Variants in SMAD5 observed in about 807,000 individuals in gnomAD.
SMAD5 encodes the protein SMAD family member 5.
Under a neutral mutation model 43.1 loss-of-function variants are expected in SMAD5, and 9 were observed. That is an observed-to-expected ratio of 0.21 (90% CI 0.13 to 0.36). SMAD5 has a LOEUF of 0.36. Among genes scored for constraint, SMAD5 ranks in the 10% least tolerant of loss-of-function variants. The probability of loss-of-function intolerance (pLI) is 1.00; values close to 1 mark genes in which losing one functional copy is unlikely to be tolerated. For missense variants in SMAD5, 348 were observed against 574.0 expected, an observed-to-expected ratio of 0.61 and a Z score of 4.02; for synonymous variants, 190 against 192.4, an observed-to-expected ratio of 0.99 and a Z score of 0.10.
chr5:136,137,403 T>C (rs1752926120), intron 1 of SMAD5, among the ~76,000 whole-genome samples: 2 of 152,184 alleles, frequency 1.3e-5, no homozygotes, highest in Admixed American at 1.3e-4. Flanking sequence ...GTTGTTTTGT[T>C]ATACCGAAAA....
At chr5:136,176,476 A>G (rs1235791082) in intron 7 of SMAD5, among the ~76,000 whole-genome samples, 2 of 149,984 alleles carry the variant, frequency 1.3e-5, no homozygotes, top group Non-Finnish European at 3.0e-5. Context: ...AAAAAAAAAA[A>G]AAAAAAAGAA....
At chr5:136,135,978 G>GT (rs1437588995) in intron 1 of SMAD5, among the ~76,000 whole-genome samples, 2 of 152,214 alleles carry the variant, frequency 1.3e-5, no homozygotes, top group Non-Finnish European at 2.9e-5. Flanking sequence ...AAGACATTGA[G>GT]TAAGATTCCC....
chr5:136,165,968 ATTATAT>A (rs1160284657), intron 5 of SMAD5, among the ~76,000 whole-genome samples: 1 of 151,806 alleles, frequency 6.6e-6, no homozygotes, highest in East Asian at 1.9e-4. Context: ...TTACATGGTA[ATTATAT>A]TTATACTTTT....
chr5:136,158,584 C>T (rs1753718351), intron 3 of SMAD5, among the ~76,000 whole-genome samples: 1 of 152,026 alleles, frequency 6.6e-6, no homozygotes, highest in Admixed American at 6.6e-5. Flanking sequence ...GAGCAGTAAC[C>T]AATATAGGTT....
chr5:136,175,940 C>T, intron 7 of SMAD5, among the ~76,000 whole-genome samples: 1 of 152,114 alleles, frequency 6.6e-6, no homozygotes, highest in Non-Finnish European at 1.5e-5. Context: ...ACCAGAGAAC[C>T]TGATAAATCC....
chr5:136,142,308 T>G (rs1291859076), intron 1 of SMAD5, among the ~76,000 whole-genome samples: 1 of 152,190 alleles, frequency 6.6e-6, no homozygotes, highest in African/African-American at 2.4e-5. Flanking sequence ...GAAGGGATGC[T>G]TGAGCTGAAA....
intron 4 of SMAD5, among the ~76,000 whole-genome samples, chr5:136,162,976 A>G (rs940417185): frequency 6.6e-6 from 1 of 152,238 alleles, no homozygotes; most frequent in Non-Finnish European, 1.5e-5. Flanking sequence ...ACACATAAAA[A>G]TAAAGGCAAA....
rs757421108 is a variant in SMAD5 at position 136,154,059 on chromosome 5, G to A, written c.299G>A (p.Ser100Asn). The change falls in exon 3 of 8, where the codon AGT becomes AAT. Residue 100 changes from serine (S) to asparagine (N), a missense_variant. This residue lies in a region of SMAD5 where 27 missense variants were observed against 53.9 expected (regional missense o/e 0.50). Coordinates refer to ENST00000545279, the MANE Select transcript of SMAD5 (RefSeq NM_005903.7). ...CRVWRWPDLQ[S>N]HHELKPLDIC... ...GTTTGGCGCTGGCCGGATTTGCAGA[G>A]TCATCATGAGCTAAAGCCGTTGGAT... is the stretch of plus-strand genomic sequence containing the variant. 2 of 1,604,246 alleles carry A rather than the reference G, an allele frequency of 1.2e-6. No homozygotes were observed. Among genetic ancestry groups the A allele is most frequent in the Non-Finnish European group, 1.7e-6 (2 of 1,175,728 alleles).
At chr5:136,133,257 T>A (rs1218805335) in intron 1 of SMAD5, 1 of 152,470 alleles carries the variant, frequency 6.6e-6, no homozygotes, top group African/African-American at 2.4e-5. Context: ...GGGAGGCGTC[T>A]GGGACGCCCT....
chr5:136,134,550 A>G (rs895377734), intron 1 of SMAD5: 4 of 152,230 alleles, frequency 2.6e-5, no homozygotes, highest in Non-Finnish European at 4.4e-5. Context: ...TTAGTGTTCC[A>G]AATTTAAGGA....
At position 136,132,875 on chromosome 5, in the gene SMAD5, G is replaced by C. The variant is rs1752716068; in HGVS notation, c.-332G>C. On this transcript the variant is annotated 5_prime_UTR_variant, in exon 1 of 8. Coordinates refer to ENST00000545279, the MANE Select transcript of SMAD5 (RefSeq NM_005903.7). ...GGTCCTGGGCGAGCGGGCGCCGTGC[G>C]CGTGTCCCGCGGCCGAGCTGCTAAT... The C allele has an allele frequency of 6.6e-6, 1 of 152,392 alleles. No homozygotes were observed. The highest frequency in any genetic ancestry group is 2.1e-4 in the South Asian group (1 of 4,834). The allele number at this position is 152,392 out of a possible 1,614,324, so 9.4% of individuals were successfully genotyped here. A position where few individuals can be genotyped will look rare whatever the true frequency, so the allele number is the denominator to read the frequency against.
chr5:136,148,628 G>C (rs903382767), intron 2 of SMAD5, among the ~76,000 whole-genome samples: 1 of 151,800 alleles, frequency 6.6e-6, no homozygotes, highest in African/African-American at 2.4e-5. Flanking sequence ...GCTGTGCCCA[G>C]AGTAGCAGAG....
intron 1 of SMAD5, among the ~76,000 whole-genome samples, chr5:136,145,560 AT>A (rs1426610419): frequency 6.6e-6 from 1 of 151,994 alleles, no homozygotes; most frequent in Non-Finnish European, 1.5e-5. Context: ...GGTTCATAAA[AT>A]AATGCGGACT....
At chr5:136,173,118 G>A (rs535553508) in intron 6 of SMAD5, among the ~76,000 whole-genome samples, 5 of 152,154 alleles carry the variant, frequency 3.3e-5, no homozygotes, top group African/African-American at 1.2e-4. Context: ...TGAGAGGAGC[G>A]GAATTAGAAA....
intron 1 of SMAD5, among the ~76,000 whole-genome samples, chr5:136,146,705 T>C (rs1199580715): frequency 1.3e-5 from 2 of 151,820 alleles, no homozygotes; most frequent in Non-Finnish European, 3.0e-5. Flanking sequence ...TATAGTATAG[T>C]CTGCAGAAAA....
intron 1 of SMAD5, among the ~76,000 whole-genome samples, chr5:136,146,489 T>A (rs1753260470): frequency 6.6e-6 from 1 of 151,762 alleles, no homozygotes; most frequent in African/African-American, 2.4e-5. Flanking sequence ...AATCAACTTT[T>A]CAGGAAAGAG....
At chr5:136,175,227 A>C (rs1754371989) in intron 7 of SMAD5, among the ~76,000 whole-genome samples, 1 of 152,312 alleles carries the variant, frequency 6.6e-6, no homozygotes, top group African/African-American at 2.4e-5. Flanking sequence ...TTTCCACAAC[A>C]TGTGGGAATT....
intron 5 of SMAD5, 95 bp downstream of exon 5, chr5:136,163,486 A>G (rs1323378455): frequency 1.9e-6 from 2 of 1,025,844 alleles, no homozygotes; most frequent in Non-Finnish European, 2.7e-6. Context: ...GGTATAATTT[A>G]TATGCTATAA....
At chr5:136,168,458 A>C (rs1390425413) in intron 5 of SMAD5, among the ~76,000 whole-genome samples, 1 of 152,124 alleles carries the variant, frequency 6.6e-6, no homozygotes, top group Admixed American at 6.5e-5. Context: ...TTTGGTTCAC[A>C]GCAAAATTAA....
Sources: allele counts gnomAD v4.1 joint callset (sites outside exome capture counted in the v4.1 genomes callset), GRCh38; gene constraint gnomAD v4.1.1; regional missense constraint gnomAD v4.1.1; transcripts MANE v1.5; gene names NCBI Gene and HGNC (gene_info 2026-07-23, HGNC 2026-07-21).